DOP1B: variants seen among roughly 807,000 people sequenced by gnomAD.
DOP1B encodes DOP1 leucine zipper like protein B.
In DOP1B, 174 loss-of-function variants were observed where a neutral mutation model predicts 233.5. The observed-to-expected ratio is 0.75, with a 90% CI of 0.66 to 0.85. The LOEUF is 0.85. Ranked by LOEUF, DOP1B falls within the 40% of genes least tolerant of loss-of-function variation. DOP1B has a pLI of 0.00. For missense variants in DOP1B, 2,652 were observed against 2,846.6 expected, an observed-to-expected ratio of 0.93 and a Z score of 1.56; for synonymous variants, 1,190 against 1,185.6, an observed-to-expected ratio of 1.00 and a Z score of -0.08.
At position 36,263,526 on chromosome 21, in the gene DOP1B, C is replaced by G. The variant is rs201235297; in HGVS notation, c.5316-20C>G. 6.2e-6 allele frequency: 10 copies of G among 1,600,200 alleles called. No individual in the cohort carries two copies. ...GACTTGTTCGTGGTTGAGTATTTTTCCTATCTTTTAAAAAAACAGGCTCCC... is the reference window on the plus strand; with the variant it reads ...GACTTGTTCGTGGTTGAGTATTTTTGCTATCTTTTAAAAAAACAGGCTCCC... On this transcript the variant is annotated intron_variant, in intron 24 of 36. Coordinates refer to ENST00000691173, the MANE Select transcript of DOP1B (RefSeq NM_001320714.2).
chr21:36,164,511 C>CACG (rs1427284440), intron 1 of DOP1B, 197 bp from the exon 2 acceptor site: 1 of 330,346 alleles, frequency 3.0e-6, no homozygotes, highest in African/African-American at 2.1e-5. Context: ...CCCCAGAATC[C>CACG]ACGAGGGCGG....
chr21:36,215,844 C>T (rs1313106723), intron 9 of DOP1B, among the ~76,000 whole-genome samples: 87 of 118,894 alleles, frequency 7.3e-4, no homozygotes, highest in African/African-American at 1.1e-3. Flanking sequence ...GAAACCCCAT[C>T]TCTACTAAAA....
intron 21 of DOP1B, among the ~76,000 whole-genome samples, chr21:36,249,062 A>G (rs1397378875): frequency 6.6e-6 from 1 of 151,164 alleles, no homozygotes; most frequent in Non-Finnish European, 1.5e-5. Context: ...CCAAGATTGC[A>G]CCACTGCACC....
In DOP1B at chr21:36,214,206, C is replaced by T. The variant is rs201699913; in HGVS notation, c.1014+16C>T. 2.3e-4 allele frequency: 364 copies of T among 1,595,460 alleles called. No individual in the cohort carries two copies. The African/African-American group carries it at 2.7e-3, about 12-fold the overall frequency. On this transcript the variant is annotated intron_variant, in intron 8 of 36. Coordinates refer to ENST00000691173, the MANE Select transcript of DOP1B (RefSeq NM_001320714.2). ...TTTAGTTGAGGTAAAGGAGCATTTC[C>T]GGAAAGTTCAGGGTATCCTTGGTGA... is the stretch of plus-strand genomic sequence containing the variant.
rs186908939 is a variant in DOP1B, at chr21:36,174,765, G to T, written c.138+9894G>T. On this transcript the variant is annotated intron_variant, in intron 2 of 36. Coordinates refer to ENST00000691173, the MANE Select transcript of DOP1B (RefSeq NM_001320714.2). ...TGAGCTCGAGTGATCCTCACAAAGTGCTGGAATTATAGGCGTGAGCCACCG... is the reference window on the plus strand; with the variant it reads ...TGAGCTCGAGTGATCCTCACAAAGTTCTGGAATTATAGGCGTGAGCCACCG... Among the ~76,000 whole-genome samples, 526 of 152,230 alleles carry T rather than the reference G, an allele frequency of 3.5e-3. 3 individuals are homozygous for T. The highest frequency in any genetic ancestry group is 3.8e-3 in the Non-Finnish European group (261 of 68,010).
chr21:36,178,811 T>C (rs532941638), intron 2 of DOP1B, among the ~76,000 whole-genome samples: 1 of 152,380 alleles, frequency 6.6e-6, no homozygotes, highest in African/African-American at 2.4e-5. Context: ...TTTCCAACTT[T>C]ATTGGGCATA....
chr21:36,205,781 G>A (rs2066419472), intron 4 of DOP1B, among the ~76,000 whole-genome samples: 1 of 151,984 alleles, frequency 6.6e-6, no homozygotes, highest in South Asian at 2.1e-4. Context: ...CGAGGCGGGG[G>A]GTTACCTGAG....
In DOP1B at chr21:36,285,082, C is replaced by T. The variant is rs145075498; in HGVS notation, c.6161-2932C>T. On this transcript the variant is annotated intron_variant, in intron 32 of 36. Transcript: ENST00000691173. ...TTTTTTGTTGTTGTTGGGAGGGGAA[C>T]GGAGTCTCACTCTGTTGCCCAGGCT... Among the ~76,000 whole-genome samples, 715 of 151,976 alleles carry T rather than the reference C, an allele frequency of 4.7e-3. 5 individuals carry two copies. Among genetic ancestry groups the T allele is most frequent in the African/African-American group, 0.016 (673 of 41,488 alleles).
chr21:36,257,725 GGTA>G (rs2067120228), intron 23 of DOP1B, among the ~76,000 whole-genome samples: 1 of 151,484 alleles, frequency 6.6e-6, no homozygotes, highest in African/African-American at 2.4e-5. Context: ...TAGGTAGGTA[GGTA>G]GATAGATGTA....
chr21:36,194,440 C>G (rs1477211564), intron 2 of DOP1B, among the ~76,000 whole-genome samples: 1 of 151,240 alleles, frequency 6.6e-6, no homozygotes. Flanking sequence ...TTTTCTAAGT[C>G]CTGTTGGTTC....
intron 2 of DOP1B, chr21:36,169,073 G>A (rs2065944583): frequency 1.1e-6 from 1 of 876,690 alleles, no homozygotes; most frequent in East Asian, 2.4e-5. Context: ...CTTGGAGGTG[G>A]TGTCAGTGAA....
At position 36,243,384 on chromosome 21, in the gene DOP1B, T is replaced by A. The variant is rs76924698; in HGVS notation, c.3068-1664T>A. ...CCTTTTCTTCTTTTTTTTTTTTTTTTAAATAGGCAGTGGTCAGTGGCCTAT... is the reference window on the plus strand; with the variant it reads ...CCTTTTCTTCTTTTTTTTTTTTTTTAAAATAGGCAGTGGTCAGTGGCCTAT... On this transcript the variant is annotated intron_variant, in intron 18 of 36. Transcript: ENST00000691173. Among the ~76,000 whole-genome samples, 413 of 150,026 alleles carry A rather than the reference T, an allele frequency of 2.8e-3. 1 individual carries two copies. The highest frequency in any genetic ancestry group is 9.8e-3 in the African/African-American group (393 of 40,102).
chr21:36,211,339 C>T (rs1396919863), intron 5 of DOP1B, among the ~76,000 whole-genome samples: 1 of 152,174 alleles, frequency 6.6e-6, no homozygotes, highest in Non-Finnish European at 1.5e-5. Context: ...CCGGCTCTCA[C>T]GTGGAACAGT....
At chr21:36,163,344 C>CAAAAAAAAAAA (rs762277927) in intron 1 of DOP1B, among the ~76,000 whole-genome samples, 7 of 107,714 alleles carry the variant, frequency 6.5e-5, no homozygotes, top group Non-Finnish European at 7.4e-5. Flanking sequence ...GACTCTGTCT[C>CAAAAAAAAAAA]AAAAAAAAAA....
Position 36,245,345 on chromosome 21 carries a change from G to C in DOP1B, c.3365G>C (p.Ser1122Thr). The C allele has an allele frequency of 3.1e-6, 5 of 1,614,108 alleles. No homozygotes were observed. Among genetic ancestry groups the C allele is most frequent in the Non-Finnish European group, 4.2e-6 (5 of 1,180,034 alleles). Reference protein sequence around the residue: ...SADTSSCHTDSENTSSFSSPS... With the variant: ...SADTSSCHTDTENTSSFSSPS... Reference sequence around the variant, plus strand: ...GATACAAGCTCCTGCCACACGGACAGCGAGAACACGTCCTCCTTCTCCTCC... The same window carrying C: ...GATACAAGCTCCTGCCACACGGACACCGAGAACACGTCCTCCTTCTCCTCC... The change falls in exon 19 of 37, where the codon AGC becomes ACC. Residue 1122 changes from serine (S) to threonine (T), a missense_variant. Physicochemically the swap from Ser to Thr is moderately conservative, Grantham distance 58. Coordinates refer to ENST00000691173, the MANE Select transcript of DOP1B (RefSeq NM_001320714.2). The surrounding 1 kb of genome is among the most constrained non-coding windows in gnomAD (Gnocchi z 5.5).
Position 36,212,576 on chromosome 21 carries a change from G to A in DOP1B, c.904+479G>A, listed in dbSNP as rs566937942. On this transcript the variant is annotated intron_variant, in intron 7 of 36. Coordinates refer to ENST00000691173, the MANE Select transcript of DOP1B (RefSeq NM_001320714.2). ...CCCTGGGCCATGTTTCTGTGTGTCA[G>A]AGTGTGTGGACTGCCTATAAATTTG... Among the ~76,000 whole-genome samples, 88 of 152,326 alleles carry A rather than the reference G, an allele frequency of 5.8e-4. 1 individual carries two copies. In the East Asian group the frequency reaches 0.014, roughly 25 times the overall value.
At chr21:36,260,949 C>G (rs771846127) in intron 24 of DOP1B, 623 of 1,321,582 alleles carry the variant, frequency 4.7e-4, no homozygotes, top group Non-Finnish European at 5.6e-4. Context: ...ACTTTGAACA[C>G]TTTATATGAG....
At chr21:36,174,628 C>G (rs2066004424) in intron 2 of DOP1B, among the ~76,000 whole-genome samples, 1 of 152,212 alleles carries the variant, frequency 6.6e-6, no homozygotes, top group Non-Finnish European at 1.5e-5. Context: ...CCTCAGCCTC[C>G]CAAGTAGCTG....
rs751430667 is a variant in DOP1B, at chr21:36,231,101, G to A, written c.2317G>A (p.Glu773Lys). 54 of 1,607,046 alleles carry A rather than the reference G, an allele frequency of 3.4e-5. No homozygotes were observed. The South Asian group carries it at 4.2e-4, about 13-fold the overall frequency. Residue 773 changes from glutamate (E) to lysine (K), a missense_variant, in exon 14 of 37, where the codon GAG becomes AAG. This residue lies in a region of DOP1B where 2,617 missense variants were observed against 2,794.3 expected (regional missense o/e 0.94). Coordinates refer to ENST00000691173, the MANE Select transcript of DOP1B (RefSeq NM_001320714.2). ...FPVYLSEEET[E>K]QLCATLFQLP... ...TGTCTACCTGTCCGAGGAAGAGACC[G>A]AGCAGCTCTGTGCAACGCTCTTCCA...
Sources: allele counts gnomAD v4.1 joint callset (sites outside exome capture counted in the v4.1 genomes callset), GRCh38; gene constraint gnomAD v4.1.1; regional missense constraint gnomAD v4.1.1; non-coding constraint Gnocchi (gnomAD v3.1); transcripts MANE v1.5; gene names NCBI Gene and HGNC (gene_info 2026-07-23, HGNC 2026-07-21).